PPP2R3A: variants seen among roughly 807,000 people sequenced by gnomAD.
PPP2R3A encodes the protein serine/threonine-protein phosphatase 2A regulatory subunit B'' subunit alpha.
A neutral mutation model predicts 106.9 loss-of-function variants in PPP2R3A; 80 were observed. The observed-to-expected ratio is 0.75, with a 90% confidence interval of 0.62 to 0.90. PPP2R3A has a LOEUF of 0.90. Among genes scored for constraint, PPP2R3A ranks in the 40% least tolerant of loss-of-function variants. The probability of loss-of-function intolerance (pLI) is 0.00; values close to 1 mark genes in which losing one functional copy is unlikely to be tolerated. For missense variants in PPP2R3A, 1,386 were observed against 1,350.4 expected (o/e 1.03, Z -0.41); for synonymous variants, 483 against 468.3 (o/e 1.03, Z -0.41).
At chr3:136,015,104 T>G (rs1934225059) in intron 2 of PPP2R3A, among the ~76,000 whole-genome samples, 1 of 152,210 alleles carries the variant, frequency 6.6e-6, no homozygotes, top group Admixed American at 6.5e-5. Context: ...TGTTTTTTAT[T>G]CTTTTTCTGT....
intron 1 of PPP2R3A, among the ~76,000 whole-genome samples, chr3:135,968,307 G>A (rs986516920): frequency 1.3e-5 from 2 of 152,176 alleles, no homozygotes; most frequent in African/African-American, 2.4e-5. Context: ...TCTGGGAGAA[G>A]TACAGGCAGC....
intron 13 of PPP2R3A, among the ~76,000 whole-genome samples, chr3:136,121,391 A>G (rs1937991006): frequency 1.3e-5 from 2 of 152,182 alleles, no homozygotes; most frequent in Non-Finnish European, 1.5e-5. Flanking sequence ...TTGAATACAC[A>G]TGCACACAAA....
intron 13 of PPP2R3A, among the ~76,000 whole-genome samples, chr3:136,128,190 A>C (rs1459727779): frequency 6.6e-6 from 1 of 152,228 alleles, no homozygotes; most frequent in Non-Finnish European, 1.5e-5. Flanking sequence ...AAATGGGCTA[A>C]ATGCCCCAAT....
At chr3:136,109,938 G>A (rs1325785492) in intron 13 of PPP2R3A, among the ~76,000 whole-genome samples, 1 of 151,930 alleles carries the variant, frequency 6.6e-6, no homozygotes, top group African/African-American at 2.4e-5. Context: ...CCAATAGCAA[G>A]AAGAAGACCA....
chr3:136,014,285 G>A (rs1934196411), intron 2 of PPP2R3A, among the ~76,000 whole-genome samples: 1 of 152,054 alleles, frequency 6.6e-6, no homozygotes, highest in African/African-American at 2.4e-5. Context: ...GCTTAGTCTT[G>A]CTTTGGCTAT....
intron 1 of PPP2R3A, among the ~76,000 whole-genome samples, chr3:135,998,039 A>G (rs1204844002): frequency 6.6e-6 from 1 of 152,206 alleles, no homozygotes; most frequent in Non-Finnish European, 1.5e-5. Context: ...TCCTTAGTTT[A>G]GCATACAAAG....
At chr3:136,104,314 G>A (rs1248764725) in intron 12 of PPP2R3A, among the ~76,000 whole-genome samples, 5 of 151,954 alleles carry the variant, frequency 3.3e-5, no homozygotes, top group Non-Finnish European at 7.4e-5. Flanking sequence ...GTGTGTGTGT[G>A]TGTGTGTGTG....
intron 2 of PPP2R3A, among the ~76,000 whole-genome samples, chr3:136,007,308 C>A (rs1161966016): frequency 6.6e-6 from 1 of 152,216 alleles, no homozygotes; most frequent in Non-Finnish European, 1.5e-5. Flanking sequence ...GGGATGTTCA[C>A]TTTCCTGCTT....
At chr3:136,112,483 A>G (rs1937607759) in intron 13 of PPP2R3A, among the ~76,000 whole-genome samples, 1 of 152,198 alleles carries the variant, frequency 6.6e-6, no homozygotes, top group South Asian at 2.1e-4. Context: ...CAGCATTTCT[A>G]TACACCAACA....
At chr3:136,112,013 C>A (rs573748436) in intron 13 of PPP2R3A, among the ~76,000 whole-genome samples, 41 of 152,104 alleles carry the variant, frequency 2.7e-4, no homozygotes, top group Non-Finnish European at 3.7e-4. Flanking sequence ...AAATGCAATT[C>A]GTCACATGAA....
chr3:136,066,315 C>T (rs1936261917), intron 5 of PPP2R3A, among the ~76,000 whole-genome samples: 1 of 152,102 alleles, frequency 6.6e-6, no homozygotes, highest in Non-Finnish European at 1.5e-5. Context: ...ATACCTAAAT[C>T]AGGAAAAGAC....
At chr3:136,000,811 T>C (rs1009354907) in intron 1 of PPP2R3A, among the ~76,000 whole-genome samples, 2 of 152,100 alleles carry the variant, frequency 1.3e-5, no homozygotes, top group African/African-American at 4.8e-5. Flanking sequence ...TCATATAAGG[T>C]GGCAAGGAGC....
chr3:136,000,051 T>C (rs1466192755), intron 1 of PPP2R3A, among the ~76,000 whole-genome samples: 1 of 152,176 alleles, frequency 6.6e-6, no homozygotes, highest in Non-Finnish European at 1.5e-5. Context: ...CTGGAGGATT[T>C]ACCTCATAAT....
At chr3:135,987,062 A>G (rs886328426) in intron 1 of PPP2R3A, among the ~76,000 whole-genome samples, 1 of 152,130 alleles carries the variant, frequency 6.6e-6, no homozygotes, top group East Asian at 1.9e-4. Flanking sequence ...CTCAACACCT[A>G]TCTGACTTAA....
Position 136,125,121 on chromosome 3 carries a change from G to A in PPP2R3A, c.3329+18799G>A, listed in dbSNP as rs139976929. 2.1e-3 allele frequency among the ~76,000 whole-genome samples: 326 copies of A among 152,282 alleles called. 2 individuals are homozygous for A. Among genetic ancestry groups the A allele is most frequent in the South Asian group, 1.9e-3 (9 of 4,822 alleles). ...AGTTCACCAGAGGTCGGGAGTTCGA[G>A]ACCAGCCTGACCAACATGGAGAAAC... On this transcript the variant is annotated intron_variant, in intron 13 of 13. Transcript: ENST00000264977.
chr3:136,101,980 A>C (rs1349316960), intron 10 of PPP2R3A, 27 bp from the exon 11 acceptor site: 1 of 1,599,320 alleles, frequency 6.3e-7, no homozygotes, highest in Non-Finnish European at 8.5e-7. Flanking sequence ...TACCAGGCCC[A>C]TGATAATGAT....
At chr3:136,144,365 G>A (rs1353451182) in intron 13 of PPP2R3A, among the ~76,000 whole-genome samples, 1 of 152,172 alleles carries the variant, frequency 6.6e-6, no homozygotes, top group East Asian at 1.9e-4. Flanking sequence ...TGAGAGTTGA[G>A]AAAGTTTGCC....
At chr3:136,085,901 A>G (rs1024482856) in intron 8 of PPP2R3A, among the ~76,000 whole-genome samples, 6 of 151,794 alleles carry the variant, frequency 4.0e-5, no homozygotes, top group Non-Finnish European at 7.4e-5. Context: ...AGCCTGGGCA[A>G]CATGGTGAAA....
chr3:136,077,918 A>G (rs1936648753), intron 6 of PPP2R3A, among the ~76,000 whole-genome samples: 1 of 152,236 alleles, frequency 6.6e-6, no homozygotes, highest in African/African-American at 2.4e-5. Flanking sequence ...ACTCAAGTGA[A>G]TAAGGCTATA....
Sources: allele counts gnomAD v4.1 joint callset (sites outside exome capture counted in the v4.1 genomes callset), GRCh38; gene constraint gnomAD v4.1.1; transcripts MANE v1.5; gene names NCBI Gene and HGNC (gene_info 2026-07-23, HGNC 2026-07-21).